The following CSNK1D variants were observed in gnomAD, a reference collection of about 807,000 sequenced individuals.
CSNK1D encodes casein kinase 1 delta, also known as casein kinase I isoform delta.
Under a neutral mutation model 46.6 loss-of-function variants are expected in CSNK1D, and 16 were observed. The observed-to-expected ratio is 0.34, with a 90% CI of 0.23 to 0.52. The LOEUF (loss-of-function observed/expected upper bound fraction) is 0.52. Ranked by LOEUF, CSNK1D falls within the 20% of genes least tolerant of loss-of-function variation. The probability of loss-of-function intolerance (pLI) is 0.95; values close to 1 mark genes in which losing one functional copy is unlikely to be tolerated. For synonymous variants in CSNK1D, 276 were observed against 228.2 expected (o/e 1.21, Z -1.89); for missense variants, 398 against 578.4 (o/e 0.69, Z 3.20).
At chr17:82,263,032 T>C (rs2051379660) in intron 2 of CSNK1D, among the ~76,000 whole-genome samples, 1 of 151,832 alleles carries the variant, frequency 6.6e-6, no homozygotes, top group Non-Finnish European at 1.5e-5. Flanking sequence ...ATACAAAAAT[T>C]AGCCAGGCAG....
At chr17:82,240,823 C>T (rs922892295), downstream of CSNK1D, among the ~76,000 whole-genome samples, 38 of 152,102 alleles carry the variant, frequency 2.5e-4, no homozygotes, top group African/African-American at 7.7e-4. Context: ...CCCTGTGCCG[C>T]AGGGTGGGCG....
chr17:82,245,990 C>A, intron 8 of CSNK1D: 2 of 1,607,108 alleles, frequency 1.2e-6, no homozygotes, highest in East Asian at 2.2e-5. Flanking sequence ...TGCTGCCTTC[C>A]GATGGGAGAC....
chr17:82,255,716 C>A lies in CSNK1D; in HGVS notation c.188-139G>T. On this transcript the variant is annotated intron_variant, in intron 2 of 8. Transcript: ENST00000314028. This position sits in a 1 kb window ranked among gnomAD's most constrained non-coding sequence, Gnocchi z 5.9. The stretch of plus-strand genomic sequence containing the variant: ...TGGTGGAGGTAGAAGACCCCGGCAA[C>A]GCCGCTCCTCAGGGACCCATCCTCG... The A allele has an allele frequency of 9.5e-7, 1 of 1,054,022 alleles. No homozygotes were observed. The highest frequency in any genetic ancestry group is 1.3e-5 in the South Asian group (1 of 77,812). The allele number at this position is 1,054,022 out of a possible 1,614,324, so 65.3% of individuals were successfully genotyped here.
At position 82,251,466 on chromosome 17, in the gene CSNK1D, G is replaced by A; in HGVS notation, c.798C>T (p.Tyr266=). The change falls in exon 6 of 9, where the codon TAC becomes TAT. Residue 266 remains tyrosine (Y), a synonymous_variant. Coordinates refer to ENST00000314028, the MANE Select transcript of CSNK1D (RefSeq NM_001893.6). This position sits in a 1 kb window ranked among gnomAD's most constrained non-coding sequence, Gnocchi z 4.5. The stretch of plus-strand genomic sequence containing the variant: ...TCCGGAAAAGCTGCCGCAGGTACGA[G>A]TAGTCAGGCTTGTCGTCAAAACGCA... ...RSLRFDDKPD[Y]SYLRQLFRNL... is the part of the protein sequence containing the mutation. The A allele has an allele frequency of 6.2e-7, 1 of 1,614,168 alleles. No individual in the cohort carries two copies. Among genetic ancestry groups the A allele is most frequent in the South Asian group, 1.1e-5 (1 of 91,080 alleles).
At chr17:82,258,332 A>ATG (rs2051236713) in intron 2 of CSNK1D, among the ~76,000 whole-genome samples, 1 of 150,606 alleles carries the variant, frequency 6.6e-6, no homozygotes, top group East Asian at 1.9e-4. Context: ...ACCTGAACAT[A>ATG]TGTGTATATA....
intron 1 of CSNK1D, among the ~76,000 whole-genome samples, chr17:82,270,004 C>A (rs1307754399): frequency 6.6e-6 from 1 of 152,236 alleles, no homozygotes; most frequent in Non-Finnish European, 1.5e-5. Context: ...CGGCACAGGG[C>A]CGGGGCCAGG....
Position 82,253,203 on chromosome 17 carries a change from G to A in CSNK1D, c.378C>T (p.His126=), listed in dbSNP as rs773063736. Residue 126 remains histidine (H), a synonymous_variant, in exon 4 of 9, where the codon CAC becomes CAT. Coordinates refer to ENST00000314028, the MANE Select transcript of CSNK1D (RefSeq NM_001893.6). ...GGAAGTTGTCTGGCTTCACATCCCG[G>A]TGGATGAAGTTCTTTGAATGAATGT... ...IEYIHSKNFI[H]RDVKPDNFLM... is the part of the protein sequence containing the mutation. 6.2e-7 allele frequency: 1 copy of A among 1,614,158 alleles called. No homozygotes were observed. Among genetic ancestry groups the A allele is most frequent in the Non-Finnish European group, 8.5e-7 (1 of 1,180,012 alleles).
chr17:82,260,210 CTGATGTGACTGATGGTGTACTGAG>C (rs1568574600), intron 2 of CSNK1D, among the ~76,000 whole-genome samples: 2 of 131,528 alleles, frequency 1.5e-5, no homozygotes, highest in Non-Finnish European at 3.1e-5. Context: ...GGTGTACTGA[CTGATGTGACTGATGGTGTACTGAG>C]TGATGTGACT....
chr17:82,248,286 G>GA lies in CSNK1D; in HGVS notation c.1197+588dup. ...ACAACAAAAGCCAGAGCGAGGAGAG[G>GA]AGAGACCGCTGCAGGATGCTGAAGA... On this transcript the variant is annotated intron_variant, in intron 8 of 8. Coordinates refer to ENST00000314028, the MANE Select transcript of CSNK1D (RefSeq NM_001893.6). The surrounding 1 kb of genome is among the most constrained non-coding windows in gnomAD (Gnocchi z 4.1). The GA allele has an allele frequency of 1.0e-6, 1 of 987,188 alleles. No homozygotes were observed. The highest frequency in any genetic ancestry group is 4.7e-5 in the South Asian group (1 of 21,504). The allele number at this position is 987,188 out of a possible 1,614,324, so 61.2% of individuals were successfully genotyped here.
chr17:82,243,501 T>G lies in CSNK1D; in HGVS notation c.*1280A>C, dbSNP rs2050777440. ...ACCAGCTCACGGAGGCCACCTGCCT[T>G]CTGGTGGGACTCGGCCCCACGCACG... On this transcript the variant is annotated 3_prime_UTR_variant, in exon 9 of 9. Coordinates refer to ENST00000314028, the MANE Select transcript of CSNK1D (RefSeq NM_001893.6). 1.0e-6 allele frequency: 1 copy of G among 985,384 alleles called. No individual in the cohort carries two copies. Among genetic ancestry groups the G allele is most frequent in the Non-Finnish European group, 1.2e-6 (1 of 830,000 alleles). 61.0% of individuals were successfully genotyped at this position (985,384 alleles called of 1,614,324 possible).
intron 8 of CSNK1D, 31 bp from the exon 9 acceptor site, chr17:82,244,862 G>A: frequency 2.5e-6 from 4 of 1,613,204 alleles, no homozygotes; most frequent in Non-Finnish European, 3.4e-6. Flanking sequence ...GAGAAGGTCA[G>A]CATGGGGCTG....
rs918505131 is a variant in CSNK1D at position 82,255,856 on chromosome 17, C to T, written c.188-279G>A. Among the ~76,000 whole-genome samples the T allele has an allele frequency of 4.6e-5, 7 of 152,204 alleles. No homozygotes were observed. Among genetic ancestry groups the T allele is most frequent in the South Asian group, 2.1e-4 (1 of 4,834 alleles). ...ATCGAAGCCCCACCTCCCCGACTCC[C>T]GTCTTCTAGGGCAGGGGGGCAGGAG... On this transcript the variant is annotated intron_variant, in intron 2 of 8. Transcript: ENST00000314028. The surrounding 1 kb of genome is among the most constrained non-coding windows in gnomAD (Gnocchi z 5.9).
chr17:82,239,173 G>A (rs1237920757), downstream of CSNK1D: 20 of 517,658 alleles, frequency 3.9e-5, no homozygotes, highest in South Asian at 8.0e-5. Context: ...GTGGATCTGC[G>A]GTGAAGCCAA....
downstream of CSNK1D, among the ~76,000 whole-genome samples, chr17:82,241,193 C>T (rs575524249): frequency 2.0e-5 from 3 of 152,302 alleles, 1 homozygote; most frequent in South Asian, 4.1e-4. Flanking sequence ...GGGAGGTGTC[C>T]GCCCGGCCTG....
At position 82,255,338 on chromosome 17, in the gene CSNK1D, A is replaced by T; in HGVS notation, c.336+91T>A. 6.9e-7 allele frequency: 1 copy of T among 1,442,268 alleles called. No individual in the cohort carries two copies. Among genetic ancestry groups the T allele is most frequent in the Non-Finnish European group, 9.8e-7 (1 of 1,024,528 alleles). The allele number at this position is 1,442,268 out of a possible 1,614,324, so 89.3% of individuals were successfully genotyped here. On this transcript the variant is annotated intron_variant, in intron 3 of 8. Transcript: ENST00000314028. The surrounding 1 kb of genome is among the most constrained non-coding windows in gnomAD (Gnocchi z 5.9). ...CAAATTTCCATTTCCTCTGTGAATT[A>T]ATGGCCATAATAATGGCAAGAACAG... is the stretch of plus-strand genomic sequence containing the variant.
chr17:82,248,679 A>G lies in CSNK1D; in HGVS notation c.1197+196T>C. ...CACCTGCAACCAGGAGACAAGCCCC[A>G]TGACGGCCCAGCATGTCTCCCAGGC... On this transcript the variant is annotated intron_variant, in intron 8 of 8. Transcript: ENST00000314028. This position sits in a 1 kb window ranked among gnomAD's most constrained non-coding sequence, Gnocchi z 4.1. The G allele has an allele frequency of 7.0e-7, 1 of 1,419,622 alleles. No individual in the cohort carries two copies. Among genetic ancestry groups the G allele is most frequent in the Non-Finnish European group, 9.2e-7 (1 of 1,087,288 alleles). 87.9% of individuals were successfully genotyped at this position (1,419,622 alleles called of 1,614,324 possible). A position where few individuals can be genotyped will look rare whatever the true frequency, so the allele number is the denominator to read the frequency against.
Position 82,244,058 on chromosome 17 carries a change from C to T in CSNK1D, c.*723G>A. 1.0e-6 allele frequency: 1 copy of T among 989,684 alleles called. No homozygotes were observed. Among genetic ancestry groups the T allele is most frequent in the Non-Finnish European group, 1.2e-6 (1 of 832,418 alleles). 61.3% of individuals were successfully genotyped at this position (989,684 alleles called of 1,614,324 possible). A position where few individuals can be genotyped will look rare whatever the true frequency, so the allele number is the denominator to read the frequency against. On this transcript the variant is annotated 3_prime_UTR_variant, in exon 9 of 9. Transcript: ENST00000314028. ...CTGCTCTCCGAGGGCCTCAAGAGTT[C>T]CTGACAGCAGGCATGTCAATTACGG...
Position 82,265,771 on chromosome 17 carries a change from C to A in CSNK1D, c.102G>T (p.Glu34Asp), listed in dbSNP as rs1407031965. 6.2e-7 allele frequency: 1 copy of A among 1,614,128 alleles called. No individual in the cohort carries two copies. The highest frequency in any genetic ancestry group is 8.5e-7 in the Non-Finnish European group (1 of 1,180,006). The part of the protein sequence containing the change: ...YLGTDIAAGE[E>D]VAIKLECVKT... ...TGACACATTCAAGCTTGATGGCAAC[C>A]TCTTCTCCTGCAGCAATGTCCGTAC... The change falls in exon 2 of 9, where the codon GAG becomes GAT. Residue 34 changes from glutamate (E) to aspartate (D), a missense_variant. Physicochemically the swap from Glu to Asp is conservative, Grantham distance 45. Transcript: ENST00000314028.
chr17:82,265,178 ATT>A (rs111692114), intron 2 of CSNK1D: 191 of 174,522 alleles, frequency 1.1e-3, no homozygotes, highest in South Asian at 4.2e-3. Flanking sequence ...ATGGTATAAG[ATT>A]TTTTTTTTTT....
Sources: allele counts gnomAD v4.1 joint callset (sites outside exome capture counted in the v4.1 genomes callset), GRCh38; gene constraint gnomAD v4.1.1; non-coding constraint Gnocchi (gnomAD v3.1); transcripts MANE v1.5; gene names NCBI Gene and HGNC (gene_info 2026-07-23, HGNC 2026-07-21).